NOL4: variants seen among roughly 807,000 people sequenced by gnomAD.
NOL4 encodes nucleolar protein 4.
In NOL4, 17 loss-of-function variants were observed where a neutral mutation model predicts 75.9. The ratio of observed to expected loss-of-function variants is 0.22; its 90% CI spans 0.15 to 0.34. The LOEUF (loss-of-function observed/expected upper bound fraction) is 0.34, where lower values mean the gene tolerates loss of function less well. NOL4 is among the 10% of genes least tolerant of loss of function. The pLI is 1.00. For synonymous variants in NOL4, 292 were observed against 289.9 expected (o/e 1.01, Z -0.07); for missense variants, 614 against 793.5 (o/e 0.77, Z 2.72).
intron 9 of NOL4, among the ~76,000 whole-genome samples, chr18:33,924,991 T>C (rs2067242769): frequency 1.3e-5 from 2 of 152,304 alleles, no homozygotes; most frequent in East Asian, 3.9e-4. Context: ...AAGTATCATT[T>C]ATGCAGAAAG....
At chr18:33,863,337 G>A (rs1275464100) in intron 10 of NOL4, among the ~76,000 whole-genome samples, 1 of 151,908 alleles carries the variant, frequency 6.6e-6, no homozygotes, top group Non-Finnish European at 1.5e-5. Context: ...TGAGTTAATG[G>A]GTGCAGCACA....
chr18:34,203,711 T>A (rs1338947409), intron 1 of NOL4, among the ~76,000 whole-genome samples: 42 of 82,188 alleles, frequency 5.1e-4, no homozygotes, highest in African/African-American at 1.2e-3. Flanking sequence ...TCTCTCTCTC[T>A]CTCTCTCACA....
At chr18:34,091,770 G>A (rs2078533366) in intron 5 of NOL4, among the ~76,000 whole-genome samples, 1 of 152,150 alleles carries the variant, frequency 6.6e-6, no homozygotes, top group Middle Eastern at 3.2e-3. Flanking sequence ...CACTGCAAGA[G>A]AAAACTCAGC....
chr18:33,862,365 G>T (rs1001397146), intron 10 of NOL4, among the ~76,000 whole-genome samples: 5 of 152,136 alleles, frequency 3.3e-5, no homozygotes, highest in African/African-American at 4.8e-5. Flanking sequence ...CACGGGCAAG[G>T]ATTTCATGTC....
chr18:34,002,677 GATAA>G (rs1600215077), intron 6 of NOL4, among the ~76,000 whole-genome samples: 1 of 152,006 alleles, frequency 6.6e-6, no homozygotes, highest in Admixed American at 6.6e-5. Flanking sequence ...CTCATTAAAT[GATAA>G]ATAAAATGTA....
chr18:33,916,875 G>A (rs2066751066), intron 9 of NOL4, among the ~76,000 whole-genome samples: 1 of 152,038 alleles, frequency 6.6e-6, no homozygotes, highest in African/African-American at 2.4e-5. Flanking sequence ...CATTCAATTA[G>A]AAAGGATAGG....
intron 1 of NOL4, among the ~76,000 whole-genome samples, chr18:34,201,297 A>C (rs1411454459): frequency 6.6e-6 from 1 of 151,850 alleles, no homozygotes; most frequent in Non-Finnish European, 1.5e-5. Flanking sequence ...CCATGAAGTA[A>C]GTACCATCTT....
chr18:33,959,515 CAT>C (rs2069932917), intron 6 of NOL4, among the ~76,000 whole-genome samples: 1 of 151,978 alleles, frequency 6.6e-6, no homozygotes, highest in Non-Finnish European at 1.5e-5. Context: ...TCTTTGAGAC[CAT>C]AACATTGATC....
At position 34,148,271 on chromosome 18, in the gene NOL4, G is replaced by T. The variant is rs186173316; in HGVS notation, c.265-18251C>A. ...CTTCTGCTAGCTTTTGAATTTGTTT[G>T]CTCTTCCTTCTCTAGCTCTTTTAAT... is the stretch of plus-strand genomic sequence containing the variant. On this transcript the variant is annotated intron_variant, in intron 1 of 10. Coordinates refer to ENST00000261592, the MANE Select transcript of NOL4 (RefSeq NM_003787.5). Among the ~76,000 whole-genome samples, 325 of 151,996 alleles carry T rather than the reference G, an allele frequency of 2.1e-3. 1 individual carries two copies. Among genetic ancestry groups the T allele is most frequent in the Middle Eastern group, 0.01 (3 of 294 alleles).
chr18:33,957,131 A>G (rs1447956755), intron 8 of NOL4, among the ~76,000 whole-genome samples, 195 bp downstream of exon 8: 1 of 152,136 alleles, frequency 6.6e-6, no homozygotes, highest in Non-Finnish European at 1.5e-5. Flanking sequence ...TTCCTTATTA[A>G]ATAAACAAAG....
Position 34,024,193 on chromosome 18 carries a change from AAATAT to A in NOL4, c.773-4597_773-4593del, listed in dbSNP as rs1488625605. 7.3e-4 allele frequency among the ~76,000 whole-genome samples: 80 copies of A among 110,262 alleles called. 3 individuals are homozygous for A. The highest frequency in any genetic ancestry group is 2.7e-3 in the African/African-American group (79 of 29,102). The allele number at this position is 110,262 out of a possible 152,430, so 72.3% of individuals were successfully genotyped here. ...GCAAAATAAACAGGAAAAAAAAAAAAAATATATATATATATATATATAAAATCCTC... is the reference window on the plus strand; with the variant it reads ...GCAAAATAAACAGGAAAAAAAAAAAAATATATATATATATATAAAATCCTC... On this transcript the variant is annotated intron_variant, in intron 5 of 10. Coordinates refer to ENST00000261592, the MANE Select transcript of NOL4 (RefSeq NM_003787.5).
intron 1 of NOL4, among the ~76,000 whole-genome samples, chr18:34,133,868 C>T (rs1464701937): frequency 6.6e-6 from 1 of 151,944 alleles, no homozygotes; most frequent in East Asian, 1.9e-4. Flanking sequence ...CTAAAAAATA[C>T]AAAAGTTAGC....
chr18:34,124,479 C>CT (rs1410148868), intron 2 of NOL4, among the ~76,000 whole-genome samples: 1 of 152,016 alleles, frequency 6.6e-6, no homozygotes, highest in Non-Finnish European at 1.5e-5. Context: ...CATAGTTCCC[C>CT]TTTTTTTGAA....
At chr18:34,022,773 T>C (rs2075118577) in intron 5 of NOL4, among the ~76,000 whole-genome samples, 1 of 152,040 alleles carries the variant, frequency 6.6e-6, no homozygotes, top group African/African-American at 2.4e-5. Flanking sequence ...TAAAATAAAA[T>C]CTACGTTAGC....
chr18:34,171,116 A>G (rs1171429814), intron 1 of NOL4, among the ~76,000 whole-genome samples: 1 of 152,164 alleles, frequency 6.6e-6, no homozygotes, highest in Non-Finnish European at 1.5e-5. Flanking sequence ...ACTGCATTAT[A>G]ACTGTAGTTT....
chr18:34,174,644 A>C (rs1166235775), intron 1 of NOL4, among the ~76,000 whole-genome samples: 1 of 152,068 alleles, frequency 6.6e-6, no homozygotes, highest in Non-Finnish European at 1.5e-5. Flanking sequence ...CGTCACCTAC[A>C]TTAGGTACTT....
chr18:33,854,686 T>C (rs1452890875), intron 10 of NOL4, among the ~76,000 whole-genome samples: 2 of 151,584 alleles, frequency 1.3e-5, no homozygotes, highest in African/African-American at 4.8e-5. Context: ...ATAACAGATA[T>C]TGAAAGGGTT....
intron 4 of NOL4, among the ~76,000 whole-genome samples, chr18:34,099,295 G>A (rs1009890134): frequency 1.7e-4 from 24 of 144,734 alleles, no homozygotes; most frequent in Non-Finnish European, 2.4e-4. Flanking sequence ...CCCTTGAGGC[G>A]GAGGTTGCAG....
intron 10 of NOL4, among the ~76,000 whole-genome samples, chr18:33,856,707 A>C (rs570980653): frequency 6.6e-6 from 1 of 152,242 alleles, no homozygotes; most frequent in South Asian, 2.1e-4. Context: ...AACAAAGAAC[A>C]AGGTAGTAAA....
Sources: gnomAD v4.1 joint callset for allele counts (sites outside exome capture counted in the v4.1 genomes callset) on GRCh38, gnomAD v4.1.1 for gene constraint, MANE v1.5 for transcripts, NCBI Gene and HGNC (gene_info 2026-07-23, HGNC 2026-07-21) for gene names.